Variants in CCDC146 observed in about 807,000 individuals in gnomAD.
CCDC146 encodes the protein coiled-coil domain-containing protein 146.
A neutral mutation model predicts 119.3 loss-of-function variants in CCDC146; 92 were observed. That is an observed-to-expected ratio of 0.77 (90% confidence interval 0.65 to 0.92). The LOEUF (loss-of-function observed/expected upper bound fraction) is 0.92. Ranked by LOEUF, CCDC146 falls within the 40% of genes least tolerant of loss-of-function variation. The pLI, the probability that CCDC146 is intolerant of heterozygous loss-of-function variation, is 0.00. For synonymous variants in CCDC146, 372 were observed against 371.8 expected (o/e 1.00, Z -0.01); for missense variants, 1,000 against 1,103.0 (o/e 0.91, Z 1.32).
rs1383723939 is a variant in CCDC146 at position 77,294,927 on chromosome 7, C to G, written c.*61C>G. On this transcript the variant is annotated 3_prime_UTR_variant, in exon 19 of 19. Transcript: ENST00000285871. ...CTTCAACCAGGCTTCCTTGTACCCA[C>G]AGGTGAAAAATGTGAGCATAATACT... 13 of 1,383,930 alleles carry G rather than the reference C, an allele frequency of 9.4e-6. No homozygotes were observed. The highest frequency in any genetic ancestry group is 1.3e-5 in the Non-Finnish European group (13 of 997,604). The allele number at this position is 1,383,930 out of a possible 1,614,324, so 85.7% of individuals were successfully genotyped here. A position where few individuals can be genotyped will look rare whatever the true frequency, so the allele number is the denominator to read the frequency against.
intron 1 of CCDC146, among the ~76,000 whole-genome samples, chr7:77,130,759 C>T (rs1451203556): frequency 2.0e-5 from 3 of 149,146 alleles, no homozygotes; most frequent in Non-Finnish European, 4.5e-5. Flanking sequence ...CCACCATGCC[C>T]GGCTAATTTT....
intron 2 of CCDC146, among the ~76,000 whole-genome samples, chr7:77,208,551 G>A (rs1792121426): frequency 6.6e-6 from 1 of 152,182 alleles, no homozygotes; most frequent in South Asian, 2.1e-4. Flanking sequence ...GTTCACTGTT[G>A]ACCAAAACAT....
chr7:77,222,606 C>T (rs1039174275), intron 2 of CCDC146, among the ~76,000 whole-genome samples: 1 of 152,208 alleles, frequency 6.6e-6, no homozygotes, highest in African/African-American at 2.4e-5. Flanking sequence ...TCTCTGGGCT[C>T]ACCCACATTT....
intron 2 of CCDC146, among the ~76,000 whole-genome samples, chr7:77,185,644 T>G (rs1408629927): frequency 1.3e-5 from 2 of 152,180 alleles, no homozygotes; most frequent in African/African-American, 4.8e-5. Flanking sequence ...AAGCCCAGAC[T>G]GCGAAGACTA....
At chr7:77,260,627 G>A (rs1482068963) in intron 8 of CCDC146, among the ~76,000 whole-genome samples, 1 of 152,074 alleles carries the variant, frequency 6.6e-6, no homozygotes, top group Non-Finnish European at 1.5e-5. Flanking sequence ...TTTATGTCCT[G>A]CTTTTTTGTT....
chr7:77,251,117 G>A (rs1269528985), intron 4 of CCDC146, among the ~76,000 whole-genome samples: 1 of 151,608 alleles, frequency 6.6e-6, no homozygotes, highest in Non-Finnish European at 1.5e-5. Flanking sequence ...TGCCTCCCAG[G>A]TTCAAGATAA....
At chr7:77,222,024 C>A (rs947337493) in intron 2 of CCDC146, among the ~76,000 whole-genome samples, 3 of 152,288 alleles carry the variant, frequency 2.0e-5, no homozygotes, top group Non-Finnish European at 4.4e-5. Context: ...GGGAAGATTT[C>A]ATTTGCAACA....
chr7:77,161,894 G>T (rs1002660425), intron 1 of CCDC146, among the ~76,000 whole-genome samples: 2 of 152,138 alleles, frequency 1.3e-5, no homozygotes, highest in Non-Finnish European at 2.9e-5. Flanking sequence ...TTTCCCCAGT[G>T]GTTGGTAATG....
chr7:77,133,571 C>G (rs1365574927), intron 1 of CCDC146, among the ~76,000 whole-genome samples: 4 of 151,484 alleles, frequency 2.6e-5, no homozygotes, highest in Non-Finnish European at 5.9e-5. Flanking sequence ...AGGCTGGTCT[C>G]GAACTCAGGT....
intron 1 of CCDC146, among the ~76,000 whole-genome samples, chr7:77,131,609 T>G (rs1300936576): frequency 6.6e-6 from 1 of 152,142 alleles, no homozygotes; most frequent in East Asian, 1.9e-4. Flanking sequence ...TCCCAGCTAT[T>G]TGAATGGCTG....
At chr7:77,239,796 G>A (rs1792809893) in intron 3 of CCDC146, among the ~76,000 whole-genome samples, 1 of 152,200 alleles carries the variant, frequency 6.6e-6, no homozygotes, top group African/African-American at 2.4e-5. Context: ...GCAGCATAGA[G>A]GAGTTCTATA....
At position 77,278,435 on chromosome 7, in the gene CCDC146, ATTT is replaced by A. The variant is rs140968354; in HGVS notation, c.1441-294_1441-292del. Reference sequence around the variant, plus strand: ...GTACAACCCAGCAAGCCAAGAAATAATTTTTTTTTTTTTTTTTTTTTTTTTGGA... The same window carrying A: ...GTACAACCCAGCAAGCCAAGAAATAATTTTTTTTTTTTTTTTTTTTTTGGA... On this transcript the variant is annotated intron_variant, in intron 11 of 18. Coordinates refer to ENST00000285871, the MANE Select transcript of CCDC146 (RefSeq NM_020879.3). Among the ~76,000 whole-genome samples, 149 of 103,340 alleles carry A rather than the reference ATTT, an allele frequency of 1.4e-3. No individual in the cohort carries two copies. In the East Asian group the frequency reaches 0.016, roughly 11 times the overall value. 67.8% of individuals were successfully genotyped at this position (103,340 alleles called of 152,430 possible). A position where few individuals can be genotyped will look rare whatever the true frequency, so the allele number is the denominator to read the frequency against.
At chr7:77,267,347 T>C (rs1201623702) in intron 9 of CCDC146, among the ~76,000 whole-genome samples, 1 of 152,142 alleles carries the variant, frequency 6.6e-6, no homozygotes, top group African/African-American at 2.4e-5. Context: ...AGAAGCTCTG[T>C]AGTTGATTGG....
At chr7:77,126,446 T>C (rs577979927) in intron 1 of CCDC146, among the ~76,000 whole-genome samples, 1 of 152,070 alleles carries the variant, frequency 6.6e-6, no homozygotes, top group South Asian at 2.1e-4. Flanking sequence ...AGATGAGCTT[T>C]ATTAAGTGTT....
chr7:77,137,631 T>G (rs3114341), intron 1 of CCDC146, among the ~76,000 whole-genome samples: 23,756 of 143,188 alleles, frequency 0.17, 2,146 homozygotes, highest in Non-Finnish European at 0.19. Context: ...TTCATGTTCA[T>G]GGAGAGAAAG....
At chr7:77,186,308 A>G (rs1288713203) in intron 2 of CCDC146, among the ~76,000 whole-genome samples, 1 of 152,182 alleles carries the variant, frequency 6.6e-6, no homozygotes, top group African/African-American at 2.4e-5. Flanking sequence ...CTATACAGCC[A>G]TAAAAAATAA....
In CCDC146 at chr7:77,287,509, A is replaced by G; in HGVS notation, c.2347A>G (p.Arg783Gly). 6.2e-7 allele frequency: 1 copy of G among 1,614,006 alleles called. No individual in the cohort carries two copies. Among genetic ancestry groups the G allele is most frequent in the Non-Finnish European group, 8.5e-7 (1 of 1,179,882 alleles). ...EKDFIYEQVS[R>G]LTDRLCSKTQ... ...GGATTTCATCTATGAGCAGGTCTCC[A>G]GGCTCACAGACAGGCTCTGCAGCAA... The change falls in exon 17 of 19, where the codon AGG becomes GGG. Residue 783 changes from arginine (R) to glycine (G), a missense_variant. By Grantham distance (125) the Arg-to-Gly change is moderately radical. Transcript: ENST00000285871.
intron 1 of CCDC146, among the ~76,000 whole-genome samples, chr7:77,126,483 G>A (rs1790690901): frequency 6.6e-6 from 1 of 151,974 alleles, no homozygotes; most frequent in African/African-American, 2.4e-5. Flanking sequence ...GACCCACAGT[G>A]GGTAGCTCCT....
chr7:77,179,551 G>A (rs1157969112), intron 2 of CCDC146, among the ~76,000 whole-genome samples: 2 of 151,822 alleles, frequency 1.3e-5, no homozygotes, highest in Admixed American at 1.3e-4. Context: ...TTTAAAACTA[G>A]TTCCTTATTA....
Sources: allele counts gnomAD v4.1 joint callset (sites outside exome capture counted in the v4.1 genomes callset), GRCh38; gene constraint gnomAD v4.1.1; transcripts MANE v1.5; gene names NCBI Gene and HGNC (gene_info 2026-07-23, HGNC 2026-07-21).